Variants in DLGAP3 observed in about 807,000 individuals in gnomAD.
DLGAP3 encodes the protein disks large-associated protein 3.
DLGAP3 carries 17 observed loss-of-function variants against 81.2 expected under a neutral mutation model. The observed-to-expected ratio is 0.21, with a 90% CI of 0.14 to 0.31. The LOEUF (loss-of-function observed/expected upper bound fraction) is 0.31. DLGAP3 is among the 10% of genes least tolerant of loss of function. The pLI, the probability that DLGAP3 is intolerant of heterozygous loss-of-function variation, is 1.00. For synonymous variants in DLGAP3, 577 were observed against 587.4 expected (o/e 0.98, Z 0.26); for missense variants, 1,124 against 1,388.0 (o/e 0.81, Z 3.02).
chr1:34,896,277 G>A (rs1639379040), intron 5 of DLGAP3, among the ~76,000 whole-genome samples: 3 of 152,128 alleles, frequency 2.0e-5, no homozygotes, highest in Admixed American at 2.0e-4. Flanking sequence ...AGAACAAGAA[G>A]GGAAGAGGTC....
rs1639516609 is a variant in DLGAP3, at chr1:34,904,731, C to T, written c.653G>A (p.Gly218Asp). The T allele has an allele frequency of 1.2e-6, 2 of 1,612,248 alleles. No individual in the cohort carries two copies. Among genetic ancestry groups the T allele is most frequent in the East Asian group, 2.2e-5 (1 of 44,880 alleles). The change falls in exon 3 of 12, where the codon GGC (glycine) becomes GAC (aspartate). Residue 218 changes from glycine to aspartate, a missense_variant. Coordinates refer to ENST00000373347, the MANE Select transcript of DLGAP3 (RefSeq NM_001080418.3). This position sits in a 1 kb window ranked among gnomAD's most constrained non-coding sequence, Gnocchi z 8.1. ...ATGGTGGTGATGGGAGGTGTGGGGG[C>T]CTCCAGAGCCCGGGCCGGGGTAGCT... Reference protein sequence around the residue: ...GDSYPGPGSGGPHTSHHHHHH... With the variant: ...GDSYPGPGSGDPHTSHHHHHH...
intron 1 of DLGAP3, among the ~76,000 whole-genome samples, chr1:34,926,731 CT>C (rs1429798543): frequency 1.3e-5 from 2 of 152,212 alleles, no homozygotes; most frequent in African/African-American, 4.8e-5. Context: ...GAATTTCAGT[CT>C]CCCCACCTGT....
chr1:34,912,262 T>C (rs1379537222), intron 1 of DLGAP3, among the ~76,000 whole-genome samples: 2 of 152,216 alleles, frequency 1.3e-5, no homozygotes, highest in Admixed American at 6.5e-5. Context: ...TTAATTTCTC[T>C]GGATGACCAT....
intron 1 of DLGAP3, among the ~76,000 whole-genome samples, chr1:34,922,310 C>T (rs182846401): frequency 6.6e-6 from 1 of 152,334 alleles, no homozygotes; most frequent in East Asian, 1.9e-4. Flanking sequence ...CTACAAGTAG[C>T]AGGGTGATCA....
intron 1 of DLGAP3, among the ~76,000 whole-genome samples, chr1:34,911,468 A>G (rs1171100104): frequency 6.6e-6 from 1 of 152,130 alleles, no homozygotes; most frequent in Non-Finnish European, 1.5e-5. Context: ...TCATCCATCC[A>G]CTATCCCAGG....
intron 8 of DLGAP3, among the ~76,000 whole-genome samples, chr1:34,870,391 C>A (rs1638961556): frequency 6.6e-6 from 1 of 152,166 alleles, no homozygotes; most frequent in Non-Finnish European, 1.5e-5. Context: ...GCTACCTCCA[C>A]CCCTACATGG....
At chr1:34,894,387 T>C (rs1218623180) in intron 5 of DLGAP3, among the ~76,000 whole-genome samples, 1 of 151,282 alleles carries the variant, frequency 6.6e-6, no homozygotes, top group Non-Finnish European at 1.5e-5. Flanking sequence ...CATGAGAGAA[T>C]TTTCCAGAAT....
At chr1:34,883,679 G>GCTC (rs1639178939) in intron 8 of DLGAP3, among the ~76,000 whole-genome samples, 2 of 150,798 alleles carry the variant, frequency 1.3e-5, no homozygotes, top group African/African-American at 5.0e-5. Context: ...CAGGCAACCA[G>GCTC]GGCAGCATTA....
Position 34,867,219 on chromosome 1 carries a change from T to C in DLGAP3, c.2578-28A>G. The C allele has an allele frequency of 6.2e-7, 1 of 1,613,584 alleles. No homozygotes were observed. The highest frequency in any genetic ancestry group is 1.3e-5 in the African/African-American group (1 of 74,924). On this transcript the variant is annotated intron_variant, in intron 10 of 11. Transcript: ENST00000373347. This position sits in a 1 kb window ranked among gnomAD's most constrained non-coding sequence, Gnocchi z 4.3. Reference sequence around the variant, plus strand: ...GCAACAGAGGAAGATGGAGGGAAAGTGATTGGTCAAGGAGGTCTGAGCCCC... The same window carrying C: ...GCAACAGAGGAAGATGGAGGGAAAGCGATTGGTCAAGGAGGTCTGAGCCCC...
At chr1:34,901,538 C>T (rs557785725) in intron 3 of DLGAP3, among the ~76,000 whole-genome samples, 67 of 152,314 alleles carry the variant, frequency 4.4e-4, no homozygotes, top group Non-Finnish European at 8.2e-4. Context: ...TGTCAGTTTC[C>T]TTGTCTGCGA....
intron 1 of DLGAP3, among the ~76,000 whole-genome samples, chr1:34,907,951 C>T (rs1252154219): frequency 6.6e-6 from 1 of 152,246 alleles, no homozygotes; most frequent in South Asian, 2.1e-4. Context: ...AAGCCCTCCC[C>T]CTGGCTAAAA....
chr1:34,886,318 A>G, intron 5 of DLGAP3, 33 bp from the exon 6 acceptor site: 1 of 1,526,114 alleles, frequency 6.6e-7, no homozygotes, highest in Admixed American at 2.0e-5. Context: ...GACAGTTATA[A>G]GGTGCCGGGA....
At chr1:34,881,421 C>T (rs954600574) in intron 8 of DLGAP3, among the ~76,000 whole-genome samples, 7 of 152,180 alleles carry the variant, frequency 4.6e-5, no homozygotes, top group African/African-American at 1.7e-4. Flanking sequence ...TTGTGTGTAA[C>T]TTGCAGGAAG....
At position 34,879,685 on chromosome 1, in the gene DLGAP3, T is replaced by TA. The variant is rs567920381; in HGVS notation, c.2000+5292dup. ...TTGTCAAAAAAATTCATTTGAAAAC[T>TA]AAAAAAAAAAATTATTCTAAAAATT... On this transcript the variant is annotated intron_variant, in intron 8 of 11. Transcript: ENST00000373347. Among the ~76,000 whole-genome samples, 246 of 145,918 alleles carry TA rather than the reference T, an allele frequency of 1.7e-3. 1 individual carries two copies. The highest frequency in any genetic ancestry group is 2.6e-3 in the Non-Finnish European group (169 of 65,902).
intron 5 of DLGAP3, 116 bp downstream of exon 5, chr1:34,899,553 A>G: frequency 4.2e-6 from 4 of 953,350 alleles, no homozygotes; most frequent in Non-Finnish European, 6.9e-6. Context: ...CAGTTTCCCC[A>G]GAGCCAGGCC....
In DLGAP3 at chr1:34,916,031, G is replaced by T. The variant is rs183102072; in HGVS notation, c.-134-8594C>A. On this transcript the variant is annotated intron_variant, in intron 1 of 11. Coordinates refer to ENST00000373347, the MANE Select transcript of DLGAP3 (RefSeq NM_001080418.3). ...TTTGTAAGCTGTGAGTTCCTTGAAG[G>T]CCAGGATTCAGGGGATCTATCTCTG... is the stretch of plus-strand genomic sequence containing the variant. 8.2e-4 allele frequency among the ~76,000 whole-genome samples: 125 copies of T among 152,198 alleles called. 1 individual carries two copies. Among genetic ancestry groups the T allele is most frequent in the Middle Eastern group, 6.8e-3 (2 of 294 alleles).
intron 1 of DLGAP3, among the ~76,000 whole-genome samples, chr1:34,920,781 A>G (rs1639785246): frequency 6.6e-6 from 1 of 152,222 alleles, no homozygotes; most frequent in African/African-American, 2.4e-5. Context: ...TCTTCTGGAC[A>G]CTGTAGATAC....
At chr1:34,897,753 A>G (rs569421424) in intron 5 of DLGAP3, among the ~76,000 whole-genome samples, 1 of 152,380 alleles carries the variant, frequency 6.6e-6, no homozygotes, top group South Asian at 2.1e-4. Flanking sequence ...GCCATCGTCC[A>G]GACAAAAGGA....
intron 1 of DLGAP3, among the ~76,000 whole-genome samples, chr1:34,925,836 T>C (rs1182102005): frequency 3.3e-5 from 5 of 152,126 alleles, no homozygotes; most frequent in African/African-American, 4.8e-5. Flanking sequence ...GAAGGAACCC[T>C]GGGACCATTC....
Sources: gnomAD v4.1 joint callset for allele counts (sites outside exome capture counted in the v4.1 genomes callset) on GRCh38, gnomAD v4.1.1 for gene constraint, Gnocchi (gnomAD v3.1) non-coding constraint, MANE v1.5 for transcripts, NCBI Gene and HGNC (gene_info 2026-07-23, HGNC 2026-07-21) for gene names.